The following WDPCP variants were observed in gnomAD, a reference collection of about 807,000 sequenced individuals.
WDPCP encodes the protein WD repeat containing planar cell polarity effector.
Under a neutral mutation model 93.1 loss-of-function variants are expected in WDPCP, and 71 were observed. That is an observed-to-expected ratio of 0.76 (90% CI 0.63 to 0.93). The LOEUF (loss-of-function observed/expected upper bound fraction) is 0.93, where lower values mean the gene tolerates loss of function less well. Ranked by LOEUF, WDPCP falls within the 40% of genes least tolerant of loss-of-function variation. WDPCP has a pLI of 0.00. For synonymous variants in WDPCP, 315 were observed against 315.0 expected (o/e 1.00, Z 0.00); for missense variants, 844 against 887.4 (o/e 0.95, Z 0.62).
chr2:63,667,589 C>T (rs1239062264), intron 2 of WDPCP, among the ~76,000 whole-genome samples: 1 of 152,156 alleles, frequency 6.6e-6, no homozygotes, highest in Non-Finnish European at 1.5e-5. Flanking sequence ...GAGTTTCTCT[C>T]CCTGTTATCA....
intron 12 of WDPCP, among the ~76,000 whole-genome samples, chr2:63,372,584 C>A (rs1030156707): frequency 1.3e-5 from 2 of 152,110 alleles, no homozygotes. Context: ...TCCATTAAAT[C>A]AAGATTTCAA....
intron 12 of WDPCP, among the ~76,000 whole-genome samples, chr2:63,315,745 G>A (rs919599366): frequency 6.7e-6 from 1 of 149,486 alleles, no homozygotes; most frequent in African/African-American, 2.5e-5. Flanking sequence ...TCTAATTATT[G>A]AAGTTAAATA....
At chr2:63,233,037 C>G (rs1679064965) in intron 14 of WDPCP, 1 of 155,622 alleles carries the variant, frequency 6.4e-6, no homozygotes, top group Non-Finnish European at 1.4e-5. Context: ...TGGCATTTGT[C>G]TCAAACTAAT....
chr2:63,366,265 CT>C (rs1185444544), intron 12 of WDPCP, among the ~76,000 whole-genome samples: 233 of 152,244 alleles, frequency 1.5e-3, no homozygotes, highest in African/African-American at 5.3e-3. Context: ...AAACTCTTAG[CT>C]AATAACAATG....
At chr2:63,439,929 TA>T (rs1024552094) in intron 6 of WDPCP, 58 bp from the exon 7 acceptor site, 2 of 1,308,390 alleles carry the variant, frequency 1.5e-6, no homozygotes, top group South Asian at 1.2e-5. Context: ...TTAGAATCTT[TA>T]AAAAACCTCT....
At chr2:63,266,873 G>A (rs978021994) in intron 13 of WDPCP, among the ~76,000 whole-genome samples, 2 of 152,144 alleles carry the variant, frequency 1.3e-5, no homozygotes, top group Admixed American at 1.3e-4. Flanking sequence ...TCATGGATTA[G>A]TAGAAACAGT....
upstream of WDPCP, chr2:63,588,975 C>A: frequency 1.2e-6 from 2 of 1,611,348 alleles, no homozygotes; most frequent in South Asian, 2.2e-5. Flanking sequence ...GTCAGTTCCG[C>A]GGTAGAGGTG....
chr2:63,454,111 T>A (rs1252454552), intron 6 of WDPCP, among the ~76,000 whole-genome samples: 3 of 143,852 alleles, frequency 2.1e-5, no homozygotes, highest in African/African-American at 7.8e-5. Flanking sequence ...ATAATAAAAA[T>A]ATATATATAT....
intron 13 of WDPCP, among the ~76,000 whole-genome samples, chr2:63,267,020 G>A (rs1031627673): frequency 6.6e-6 from 1 of 151,756 alleles, no homozygotes; most frequent in East Asian, 1.9e-4. Context: ...ATACCCTAGA[G>A]AGCCAACAAT....
At chr2:63,658,163 T>TTG (rs1483209571) in intron 2 of WDPCP, among the ~76,000 whole-genome samples, 3 of 152,204 alleles carry the variant, frequency 2.0e-5, no homozygotes, top group Non-Finnish European at 4.4e-5. Context: ...TGCTTCACAT[T>TTG]ATACCTTTGA....
chr2:63,376,283 G>GC (rs1257328556), intron 12 of WDPCP, among the ~76,000 whole-genome samples: 1 of 151,866 alleles, frequency 6.6e-6, no homozygotes, highest in Non-Finnish European at 1.5e-5. Context: ...AAGCTAGTAT[G>GC]CCCCAAGGGA....
chr2:63,626,392 T>C (rs373441835), intron 3 of WDPCP, among the ~76,000 whole-genome samples: 2 of 152,186 alleles, frequency 1.3e-5, no homozygotes, highest in African/African-American at 4.8e-5. Context: ...ATCATTAGAG[T>C]GAACAGGCAA....
intron 2 of WDPCP, among the ~76,000 whole-genome samples, chr2:63,728,083 T>A (rs1288909197): frequency 6.6e-6 from 1 of 152,182 alleles, no homozygotes; most frequent in Non-Finnish European, 1.5e-5. Flanking sequence ...CAGGAGAATA[T>A]CTGAAGACAA....
At chr2:63,690,182 G>GT (rs1281525406) in intron 2 of WDPCP, among the ~76,000 whole-genome samples, 1 of 152,128 alleles carries the variant, frequency 6.6e-6, no homozygotes, top group African/African-American at 2.4e-5. Context: ...ACTTCTAACA[G>GT]GTTATTTTAA....
chr2:63,321,890 GTCT>G (rs1558465892), intron 12 of WDPCP, among the ~76,000 whole-genome samples: 1 of 151,660 alleles, frequency 6.6e-6, no homozygotes, highest in African/African-American at 2.4e-5. Flanking sequence ...TATTTCTATT[GTCT>G]TCTTTTTACA....
intron 13 of WDPCP, among the ~76,000 whole-genome samples, chr2:63,302,033 A>G (rs1313691706): frequency 6.6e-6 from 1 of 152,214 alleles, no homozygotes; most frequent in African/African-American, 2.4e-5. Flanking sequence ...CCAAAATTAG[A>G]GAAGCAACTT....
intron 2 of WDPCP, among the ~76,000 whole-genome samples, chr2:63,736,307 ATCAGAAAATTGGAAACCT>A (rs1408656217): frequency 6.3e-4 from 96 of 152,360 alleles, no homozygotes; most frequent in African/African-American, 2.2e-3. Flanking sequence ...ATATGACTCC[ATCAGAAAATTGGAAACCT>A]GCAAGGTATT....
chr2:63,313,208 T>C, intron 13 of WDPCP, 40 bp downstream of exon 13: 1 of 1,594,664 alleles, frequency 6.3e-7, no homozygotes, highest in Admixed American at 1.7e-5. Flanking sequence ...AACTTAGCCT[T>C]AGAACTGAAG....
intron 2 of WDPCP, among the ~76,000 whole-genome samples, chr2:63,692,098 A>G (rs1668898618): frequency 6.6e-6 from 1 of 152,144 alleles, no homozygotes; most frequent in Admixed American, 6.5e-5. Flanking sequence ...TGAGCCACAG[A>G]TTTCTAGCTC....
Sources: gnomAD v4.1 joint callset for allele counts (sites outside exome capture counted in the v4.1 genomes callset) on GRCh38, gnomAD v4.1.1 for gene constraint, MANE v1.5 for transcripts, NCBI Gene and HGNC (gene_info 2026-07-23, HGNC 2026-07-21) for gene names.